Variants in VTI1A observed in about 807,000 individuals in gnomAD.
VTI1A encodes the protein vesicle transport through interaction with t-SNAREs homolog 1A.
VTI1A carries 22 observed loss-of-function variants against 34.9 expected under a neutral mutation model. The ratio of observed to expected loss-of-function variants is 0.63; its 90% confidence interval spans 0.45 to 0.90. VTI1A has a LOEUF of 0.90. VTI1A is among the 40% of genes least tolerant of loss of function. The pLI, the probability that VTI1A is intolerant of heterozygous loss-of-function variation, is 0.00. For missense variants in VTI1A, 268 were observed against 275.6 expected (o/e 0.97, Z 0.20); for synonymous variants, 87 against 97.3 (o/e 0.89, Z 0.62).
intron 4 of VTI1A, among the ~76,000 whole-genome samples, chr10:112,537,464 A>C (rs1008910762): frequency 4.0e-5 from 6 of 151,504 alleles, no homozygotes; most frequent in African/African-American, 1.2e-4. Context: ...CAATGGAGGA[A>C]AGAAAGTTTA....
intron 7 of VTI1A, among the ~76,000 whole-genome samples, chr10:112,732,700 A>G (rs1850307861): frequency 6.6e-6 from 1 of 152,110 alleles, no homozygotes; most frequent in South Asian, 2.1e-4. Flanking sequence ...GCCTTTACAA[A>G]TGTTAATTAA....
At chr10:112,854,615 C>A in the VTI1A span, among the ~76,000 whole-genome samples, 1 of 152,144 alleles carries the variant, frequency 6.6e-6, no homozygotes, top group Admixed American at 6.5e-5. Flanking sequence ...TTTCTCAGTT[C>A]CCTCTTATGA....
At chr10:112,796,403 CAAAA>C (rs34102399) in intron 7 of VTI1A, among the ~76,000 whole-genome samples, 1 of 37,560 alleles carries the variant, frequency 2.7e-5, no homozygotes. Flanking sequence ...AAGACTCCGT[CAAAA>C]AAAAAAAAAA....
chr10:112,757,810 C>A (rs563848716), intron 7 of VTI1A, among the ~76,000 whole-genome samples: 70 of 152,092 alleles, frequency 4.6e-4, no homozygotes, highest in Non-Finnish European at 6.2e-4. Flanking sequence ...CCAAAGATAC[C>A]CATTCTAACT....
At chr10:112,717,663 C>A (rs1234443067) in intron 7 of VTI1A, among the ~76,000 whole-genome samples, 1 of 152,140 alleles carries the variant, frequency 6.6e-6, no homozygotes, top group Non-Finnish European at 1.5e-5. Context: ...AAGCAAGAGG[C>A]AGAAGCTGTG....
chr10:112,736,121 A>G (rs973362807), intron 7 of VTI1A, among the ~76,000 whole-genome samples: 3 of 144,250 alleles, frequency 2.1e-5, no homozygotes, highest in African/African-American at 2.6e-5. Flanking sequence ...GTATATATAT[A>G]TATATATATA....
At chr10:112,617,000 G>A (rs1845536512) in intron 5 of VTI1A, among the ~76,000 whole-genome samples, 1 of 152,100 alleles carries the variant, frequency 6.6e-6, no homozygotes, top group Non-Finnish European at 1.5e-5. Flanking sequence ...GATAATATCT[G>A]AGAATTTTCC....
At chr10:112,539,850 T>G (rs1444872930) in intron 5 of VTI1A, among the ~76,000 whole-genome samples, 2 of 152,204 alleles carry the variant, frequency 1.3e-5, no homozygotes, top group African/African-American at 2.4e-5. Flanking sequence ...TCATTGACGA[T>G]CTACAGGCAT....
At chr10:112,676,391 G>T (rs117161620) in intron 7 of VTI1A, among the ~76,000 whole-genome samples, 43 of 152,056 alleles carry the variant, frequency 2.8e-4, no homozygotes, top group Non-Finnish European at 3.2e-4. Context: ...TGTTTAGGGA[G>T]GGGGGGCTCC....
chr10:112,661,623 G>A (rs1198084200), intron 5 of VTI1A, among the ~76,000 whole-genome samples: 1 of 152,018 alleles, frequency 6.6e-6, no homozygotes, highest in Admixed American at 6.5e-5. Flanking sequence ...TGCTGGACGT[G>A]GAATAATAGA....
chr10:112,486,061 C>T (rs963012594), intron 3 of VTI1A, among the ~76,000 whole-genome samples: 4 of 152,172 alleles, frequency 2.6e-5, no homozygotes, highest in African/African-American at 9.7e-5. Flanking sequence ...TATTATGAAT[C>T]TCCCTTTCTG....
At chr10:112,849,831 G>A in the VTI1A span, among the ~76,000 whole-genome samples, 1 of 152,190 alleles carries the variant, frequency 6.6e-6, no homozygotes, top group Non-Finnish European at 1.5e-5. Context: ...CATCGGATCA[G>A]AGCCTGTGAA....
chr10:112,636,085 C>T (rs1006604153), intron 5 of VTI1A, among the ~76,000 whole-genome samples: 2 of 152,170 alleles, frequency 1.3e-5, no homozygotes, highest in African/African-American at 4.8e-5. Flanking sequence ...TGAGGCAGCA[C>T]CTGCAAGGGA....
chr10:112,794,287 T>C (rs943182566), intron 7 of VTI1A, among the ~76,000 whole-genome samples: 2 of 152,176 alleles, frequency 1.3e-5, no homozygotes, highest in African/African-American at 4.8e-5. Context: ...CCAGGCGCAT[T>C]GGCTCATGCC....
intron 5 of VTI1A, among the ~76,000 whole-genome samples, chr10:112,556,649 T>C (rs1309822941): frequency 6.6e-6 from 1 of 152,036 alleles, no homozygotes; most frequent in African/African-American, 2.4e-5. Context: ...TGAAGCTATT[T>C]CTTTGTGAGC....
chr10:112,791,604 C>G (rs1040644338), intron 7 of VTI1A, among the ~76,000 whole-genome samples: 1 of 152,052 alleles, frequency 6.6e-6, no homozygotes, highest in South Asian at 2.1e-4. Flanking sequence ...GCCAAGAAAA[C>G]CAGTGAGAAT....
In VTI1A at chr10:112,456,513, C is replaced by A. The variant is rs148635762; in HGVS notation, c.95-4011C>A. 8.4e-3 allele frequency among the ~76,000 whole-genome samples: 1,273 copies of A among 150,938 alleles called. 13 individuals are homozygous for A. Among genetic ancestry groups the A allele is most frequent in the African/African-American group, 0.03 (1,218 of 41,114 alleles). On this transcript the variant is annotated intron_variant, in intron 1 of 7. Transcript: ENST00000393077. ...AGCCGAGCATAGAACTCTAGGAATT[C>A]AAAGGAAATGAGGTATGTCTCAGGA... is the stretch of plus-strand genomic sequence containing the variant.
intron 5 of VTI1A, among the ~76,000 whole-genome samples, chr10:112,586,032 C>T (rs922993637): frequency 1.8e-4 from 27 of 152,036 alleles, no homozygotes; most frequent in African/African-American, 3.6e-4. Context: ...CACATAATTA[C>T]GTCGATTGCT....
At chr10:112,507,946 A>G (rs1849487727) in intron 3 of VTI1A, among the ~76,000 whole-genome samples, 1 of 152,194 alleles carries the variant, frequency 6.6e-6, no homozygotes, top group South Asian at 2.1e-4. Flanking sequence ...AAAAAGGTTC[A>G]TGATGTTCTG....
Sources: gnomAD v4.1 joint callset for allele counts (sites outside exome capture counted in the v4.1 genomes callset) on GRCh38, gnomAD v4.1.1 for gene constraint, MANE v1.5 for transcripts, NCBI Gene and HGNC (gene_info 2026-07-23, HGNC 2026-07-21) for gene names.